The following ALMS1 variants were observed in gnomAD, a reference collection of about 807,000 sequenced individuals.
ALMS1 encodes the protein centrosome-associated protein ALMS1.
In ALMS1, 271 loss-of-function variants were observed where a neutral mutation model predicts 352.2. That is an observed-to-expected ratio of 0.77 (90% CI 0.70 to 0.85). The LOEUF is 0.85. Among genes scored for constraint, ALMS1 ranks in the 40% least tolerant of loss-of-function variants. ALMS1 has a pLI of 0.00. For synonymous variants in ALMS1, 1,865 were observed against 1,761.2 expected (o/e 1.06, Z -1.48); for missense variants, 5,445 against 4,870.7 (o/e 1.12, Z -3.51).
intron 18 of ALMS1, 72 bp from the exon 19 acceptor site, chr2:73,601,123 C>G (rs1437509501): frequency 1.2e-6 from 2 of 1,604,916 alleles, no homozygotes; most frequent in African/African-American, 1.4e-5. Context: ...ATATGCATAT[C>G]CTGGATAAGA....
chr2:73,606,115 T>G (rs1212630257), intron 21 of ALMS1, among the ~76,000 whole-genome samples: 1 of 152,266 alleles, frequency 6.6e-6, no homozygotes, highest in East Asian at 1.9e-4. Flanking sequence ...AGTGCCACTC[T>G]TCTCACTAAC....
At chr2:73,480,072 A>T (rs575048649) in intron 9 of ALMS1, among the ~76,000 whole-genome samples, 2 of 149,688 alleles carry the variant, frequency 1.3e-5, no homozygotes, top group East Asian at 2.0e-4. Flanking sequence ...TTTTATTTTT[A>T]TTTATTTATT....
Position 73,559,002 on chromosome 2 carries a change from C to A in ALMS1, c.10244C>A (p.Ser3415Ter). The part of the protein sequence containing the change: ...DSSAAAAAEH[S>*]AQVGDPEMKN... ...AGTGCTGCTGCTGCTGCAGAGCACT[C>A]AGCTCAAGTAGGAGACCCAGAAATG... Residue 3415 changes from serine to a stop codon, truncating the protein, a stop_gained, in exon 15 of 23, where the codon TCA (serine) becomes TAA (stop). Coordinates refer to ENST00000613296, the MANE Select transcript of ALMS1 (RefSeq NM_001378454.1). LOFTEE classifies it high-confidence loss of function. The A allele has an allele frequency of 6.2e-7, 1 of 1,613,974 alleles. No individual in the cohort carries two copies. Among genetic ancestry groups the A allele is most frequent in the Non-Finnish European group, 8.5e-7 (1 of 1,179,922 alleles).
intron 6 of ALMS1, among the ~76,000 whole-genome samples, chr2:73,429,884 A>G (rs951850620): frequency 3.3e-5 from 5 of 152,094 alleles, no homozygotes; most frequent in African/African-American, 1.2e-4. Flanking sequence ...TATGAAAGGT[A>G]TTAGTATTTT....
At chr2:73,606,828 T>G (rs1162139701) in intron 21 of ALMS1, among the ~76,000 whole-genome samples, 2 of 152,224 alleles carry the variant, frequency 1.3e-5, no homozygotes, top group African/African-American at 2.4e-5. Flanking sequence ...CCTGTGTTAC[T>G]CATCTTTTGT....
chr2:73,577,321 A>G (rs541655681), intron 16 of ALMS1, among the ~76,000 whole-genome samples: 4 of 152,116 alleles, frequency 2.6e-5, no homozygotes, highest in East Asian at 3.9e-4. Flanking sequence ...TACTGATTCA[A>G]TGTCTTTTAA....
At chr2:73,419,702 T>C (rs199561695) in intron 3 of ALMS1, among the ~76,000 whole-genome samples, 1 of 152,224 alleles carries the variant, frequency 6.6e-6, no homozygotes, top group African/African-American at 2.4e-5. Context: ...TTTACCTTTT[T>C]GATTTTTAGA....
At chr2:73,464,208 C>A (rs931007156) in intron 9 of ALMS1, among the ~76,000 whole-genome samples, 3 of 152,148 alleles carry the variant, frequency 2.0e-5, no homozygotes, top group African/African-American at 7.2e-5. Flanking sequence ...AAAATACTGG[C>A]AAACTGAATC....
intron 1 of ALMS1, among the ~76,000 whole-genome samples, chr2:73,393,827 T>C (rs1033442121): frequency 6.6e-6 from 1 of 152,068 alleles, no homozygotes; most frequent in Non-Finnish European, 1.5e-5. Flanking sequence ...CTTTTTTTTT[T>C]TTTTTTCTGA....
intron 1 of ALMS1, among the ~76,000 whole-genome samples, chr2:73,403,003 A>G (rs1670902214): frequency 6.6e-6 from 1 of 151,894 alleles, no homozygotes; most frequent in Non-Finnish European, 1.5e-5. Context: ...CATTTTGTTG[A>G]TTGTTTACTT....
intron 5 of ALMS1, among the ~76,000 whole-genome samples, chr2:73,425,400 A>G (rs1052018077): frequency 2.6e-5 from 4 of 152,196 alleles, no homozygotes; most frequent in Admixed American, 6.5e-5. Context: ...TAATTCTGTA[A>G]AAGTTTCAGA....
chr2:73,608,118 A>G (rs1037359916), intron 21 of ALMS1, among the ~76,000 whole-genome samples: 1 of 152,232 alleles, frequency 6.6e-6, no homozygotes, highest in African/African-American at 2.4e-5. Flanking sequence ...TTCCAAACAC[A>G]ATAGTAACGC....
intron 6 of ALMS1, among the ~76,000 whole-genome samples, chr2:73,427,090 TC>T (rs1412796746): frequency 6.6e-6 from 1 of 152,192 alleles, no homozygotes; most frequent in African/African-American, 2.4e-5. Context: ...GCCTAACTCT[TC>T]CTAGTTGTGC....
chr2:73,517,306 T>A (rs1210714264), intron 10 of ALMS1, among the ~76,000 whole-genome samples: 1 of 138,202 alleles, frequency 7.2e-6, no homozygotes, highest in Admixed American at 7.7e-5. Context: ...GGCTCTGGAG[T>A]ACAGTGGTGC....
At chr2:73,426,399 C>A in intron 5 of ALMS1, 54 bp from the exon 6 acceptor site, 1 of 1,575,612 alleles carries the variant, frequency 6.3e-7, no homozygotes, top group Non-Finnish European at 8.7e-7. Flanking sequence ...TGTGTGGGAG[C>A]TGAGCCTAGT....
chr2:73,565,050 A>G (rs1674774716), intron 15 of ALMS1, among the ~76,000 whole-genome samples: 1 of 152,360 alleles, frequency 6.6e-6, no homozygotes, highest in Non-Finnish European at 1.5e-5. Flanking sequence ...GCAAATGCAC[A>G]TCTCTCTGAA....
At chr2:73,460,436 A>T (rs1672165201) in intron 9 of ALMS1, among the ~76,000 whole-genome samples, 1 of 152,174 alleles carries the variant, frequency 6.6e-6, no homozygotes. Context: ...CAGTTCATTC[A>T]GCACTCATTA....
At chr2:73,540,935 TC>T (rs2104006993) in intron 12 of ALMS1, among the ~76,000 whole-genome samples, 1 of 152,154 alleles carries the variant, frequency 6.6e-6, no homozygotes, top group South Asian at 2.1e-4. Flanking sequence ...GGACTTTAAC[TC>T]CCCACTGTCA....
intron 9 of ALMS1, among the ~76,000 whole-genome samples, chr2:73,460,795 C>A (rs528279301): frequency 6.6e-6 from 1 of 152,228 alleles, no homozygotes; most frequent in Non-Finnish European, 1.5e-5. Flanking sequence ...GATTATATCC[C>A]GCACATGGCT....
Sources: allele counts gnomAD v4.1 joint callset (sites outside exome capture counted in the v4.1 genomes callset), GRCh38; gene constraint gnomAD v4.1.1; transcripts MANE v1.5; gene names NCBI Gene and HGNC (gene_info 2026-07-23, HGNC 2026-07-21).